DIAPH3: variants seen among roughly 807,000 people sequenced by gnomAD.
DIAPH3 encodes diaphanous related formin 3.
Under a neutral mutation model 144.3 loss-of-function variants are expected in DIAPH3, and 117 were observed. The observed-to-expected ratio is 0.81, with a 90% CI of 0.70 to 0.95. The LOEUF is 0.95. DIAPH3 is among the 40% of genes least tolerant of loss of function. DIAPH3 has a pLI of 0.00. For missense variants in DIAPH3, 1,421 were observed against 1,412.7 expected, an observed-to-expected ratio of 1.01 and a Z score of -0.09; for synonymous variants, 519 against 488.9, an observed-to-expected ratio of 1.06 and a Z score of -0.81.
rs1374510880 is a variant in DIAPH3, at chr13:60,157,598, T to C, written c.180+5989A>G. ...TGAGTTATCTTGAGACTGGTCTCCA[T>C]TGATTCCTTTTTCTTGTTTGTATGG... On this transcript the variant is annotated intron_variant, in intron 1 of 27. Transcript: ENST00000400324. 3.3e-5 allele frequency among the ~76,000 whole-genome samples: 5 copies of C among 152,378 alleles called. No individual in the cohort carries two copies. In the East Asian group the frequency reaches 9.6e-4, roughly 29 times the overall value.
intron 1 of DIAPH3, among the ~76,000 whole-genome samples, chr13:60,158,122 C>T (rs893209174): frequency 6.6e-6 from 1 of 152,204 alleles, no homozygotes; most frequent in Non-Finnish European, 1.5e-5. Context: ...CAGTGCTAGT[C>T]CCTTCTTCCA....
At chr13:59,970,792 T>C in intron 16 of DIAPH3, 60 bp downstream of exon 16, 1 of 1,467,824 alleles carries the variant, frequency 6.8e-7, no homozygotes, top group Non-Finnish European at 9.3e-7. Context: ...TATGTATATA[T>C]AAATCCAAAA....
At chr13:59,707,368 C>A (rs2034488762) in intron 27 of DIAPH3, among the ~76,000 whole-genome samples, 2 of 152,146 alleles carry the variant, frequency 1.3e-5, no homozygotes, top group Admixed American at 1.3e-4. Context: ...GGTTAAGTAT[C>A]TGGAAAACAG....
chr13:59,884,068 T>G (rs1353211677), intron 20 of DIAPH3, among the ~76,000 whole-genome samples: 1 of 152,150 alleles, frequency 6.6e-6, no homozygotes, highest in Non-Finnish European at 1.5e-5. Flanking sequence ...TCATCTGTAT[T>G]TATAGCTGCT....
Position 60,132,947 on chromosome 13 carries a change from A to G in DIAPH3, c.213+10T>C. ...ATTCATAACAAAGGAAAAGTTGAGG[A>G]TAATCTTACCATATCATCCGTCAGT... On this transcript the variant is annotated intron_variant, in intron 2 of 27. Coordinates refer to ENST00000400324, the MANE Select transcript of DIAPH3 (RefSeq NM_001042517.2). 1 of 1,605,464 alleles carries G rather than the reference A, an allele frequency of 6.2e-7. No homozygotes were observed. The highest frequency in any genetic ancestry group is 8.5e-7 in the Non-Finnish European group (1 of 1,172,932).
At chr13:59,704,273 C>A (rs1291043061) in intron 27 of DIAPH3, among the ~76,000 whole-genome samples, 1 of 152,232 alleles carries the variant, frequency 6.6e-6, no homozygotes, top group Non-Finnish European at 1.5e-5. Flanking sequence ...CGGTAGCCCT[C>A]TGCCTGGGGC....
At chr13:59,969,849 A>G in intron 17 of DIAPH3, 95 bp downstream of exon 17, 2 of 756,054 alleles carry the variant, frequency 2.6e-6, no homozygotes, top group Non-Finnish European at 4.3e-6. Context: ...CATGTACAGG[A>G]TTCATAAAAT....
At position 60,163,862 on chromosome 13, in the gene DIAPH3, TCCGC is replaced by T. The variant is rs148097514; in HGVS notation, c.-100_-97del. 100,348 of 1,465,950 alleles carry T rather than the reference TCCGC, an allele frequency of 0.068. 4,519 individuals are homozygous for T. Among genetic ancestry groups the T allele is most frequent in the East Asian group, 0.27 (10,786 of 40,216 alleles). The allele number at this position is 1,465,950 out of a possible 1,614,324, so 90.8% of individuals were successfully genotyped here. On this transcript the variant is annotated 5_prime_UTR_variant, in exon 1 of 28. Transcript: ENST00000400324. ...TCGACAACAGGTTTTACTCCCGGGG[TCCGC>T]CACCCAAACAGTCAGCACAGCCTAG... is the stretch of plus-strand genomic sequence containing the variant.
intron 20 of DIAPH3, among the ~76,000 whole-genome samples, chr13:59,910,069 A>G (rs2046914974): frequency 6.6e-6 from 1 of 152,184 alleles, no homozygotes; most frequent in Non-Finnish European, 1.5e-5. Context: ...TACTTGTTAG[A>G]TAGACATTTT....
Position 59,767,153 on chromosome 13 carries a change from G to A in DIAPH3, c.3319+7036C>T, listed in dbSNP as rs551444379. On this transcript the variant is annotated intron_variant, in intron 27 of 27. Coordinates refer to ENST00000400324, the MANE Select transcript of DIAPH3 (RefSeq NM_001042517.2). Reference sequence around the variant, plus strand: ...AAAGACTATCCCAGGTACACATGACGTCATTTCCTCTGTATGCTCAGTGAA... The same window carrying A: ...AAAGACTATCCCAGGTACACATGACATCATTTCCTCTGTATGCTCAGTGAA... Among the ~76,000 whole-genome samples the A allele has an allele frequency of 7.9e-5, 12 of 152,150 alleles. No individual in the cohort carries two copies. The South Asian group carries it at 1.7e-3, about 21-fold the overall frequency.
At chr13:59,765,975 G>A (rs756771026) in intron 27 of DIAPH3, among the ~76,000 whole-genome samples, 3 of 152,168 alleles carry the variant, frequency 2.0e-5, no homozygotes, top group Non-Finnish European at 4.4e-5. Context: ...GCCTACTACA[G>A]ATGGAATACA....
intron 5 of DIAPH3, among the ~76,000 whole-genome samples, chr13:60,023,850 C>CTTTTTTT (rs35707483): frequency 2.5e-4 from 17 of 68,886 alleles, no homozygotes; most frequent in Admixed American, 6.8e-4. Flanking sequence ...ACTATTCAGC[C>CTTTTTTT]TTTTTTTTTT....
chr13:59,958,217 T>G (rs2049519531), intron 17 of DIAPH3, among the ~76,000 whole-genome samples: 1 of 152,192 alleles, frequency 6.6e-6, no homozygotes, highest in African/African-American at 2.4e-5. Flanking sequence ...TAACATATAT[T>G]TTCCATGTTG....
In DIAPH3 at chr13:59,695,438, G is replaced by A. The variant is rs969040572; in HGVS notation, c.3320-28592C>T. 3.3e-5 allele frequency: 5 copies of A among 152,162 alleles called. No individual in the cohort carries two copies. In the South Asian group the frequency reaches 1.0e-3, roughly 32 times the overall value. The allele number at this position is 152,162 out of a possible 1,614,324, so 9.4% of individuals were successfully genotyped here. A position where few individuals can be genotyped will look rare whatever the true frequency, so the allele number is the denominator to read the frequency against. ...AGAACTTGCTGTTACAATCCAGATG[G>A]TTCCTCCCTTCAAACAGAAATAAAA... is the stretch of plus-strand genomic sequence containing the variant. On this transcript the variant is annotated intron_variant, in intron 27 of 27. Coordinates refer to ENST00000400324, the MANE Select transcript of DIAPH3 (RefSeq NM_001042517.2).
chr13:59,684,731 T>C (rs1041719058), intron 27 of DIAPH3, among the ~76,000 whole-genome samples: 14 of 152,178 alleles, frequency 9.2e-5, no homozygotes, highest in Non-Finnish European at 2.1e-4. Context: ...AACAGAGTCA[T>C]AGAAGCTTTG....
chr13:59,788,953 T>C (rs1467238782), intron 25 of DIAPH3, among the ~76,000 whole-genome samples: 1 of 152,222 alleles, frequency 6.6e-6, no homozygotes, highest in Non-Finnish European at 1.5e-5. Context: ...AGTATTCAAG[T>C]AACCCACTCT....
Position 60,120,564 on chromosome 13 carries a change from T to G in DIAPH3, c.214-8378A>C, listed in dbSNP as rs190360423. ...TTATAATATTTTGTCCACATTTAGG[T>G]TTCACATAGTATTTTAATATTATTA... is the stretch of plus-strand genomic sequence containing the variant. On this transcript the variant is annotated intron_variant, in intron 2 of 27. Coordinates refer to ENST00000400324, the MANE Select transcript of DIAPH3 (RefSeq NM_001042517.2). Among the ~76,000 whole-genome samples the G allele has an allele frequency of 1.9e-3, 285 of 152,310 alleles. 2 individuals carry two copies. The highest frequency in any genetic ancestry group is 6.3e-3 in the African/African-American group (262 of 41,568).
chr13:59,913,865 G>A (rs796073335), intron 19 of DIAPH3, among the ~76,000 whole-genome samples: 11 of 152,134 alleles, frequency 7.2e-5, no homozygotes, highest in African/African-American at 2.6e-4. Flanking sequence ...GGCTGAGGCA[G>A]AAGAATAGCT....
Position 59,902,364 on chromosome 13 carries a change from G to A in DIAPH3, c.2367+9371C>T, listed in dbSNP as rs540701133. ...TACTCCTTCTCTGGCCATGTAAGAC[G>A]TGCCTGTTTCCCCTACACCTTCCAC... On this transcript the variant is annotated intron_variant, in intron 20 of 27. Coordinates refer to ENST00000400324, the MANE Select transcript of DIAPH3 (RefSeq NM_001042517.2). Among the ~76,000 whole-genome samples, 19 of 152,112 alleles carry A rather than the reference G, an allele frequency of 1.2e-4. No individual in the cohort carries two copies. In the East Asian group the frequency reaches 2.7e-3, roughly 22 times the overall value.
Sources: gnomAD v4.1 joint callset for allele counts (sites outside exome capture counted in the v4.1 genomes callset) on GRCh38, gnomAD v4.1.1 for gene constraint, MANE v1.5 for transcripts, NCBI Gene and HGNC (gene_info 2026-07-23, HGNC 2026-07-21) for gene names.